SIAH2: variants seen among roughly 807,000 people sequenced by gnomAD.
The protein encoded by SIAH2 is E3 ubiquitin-protein ligase SIAH2.
SIAH2 carries 4 observed loss-of-function variants against 20.4 expected under a neutral mutation model. The observed-to-expected ratio is 0.20, with a 90% CI of 0.10 to 0.45. The LOEUF (loss-of-function observed/expected upper bound fraction) is 0.45. Among genes scored for constraint, SIAH2 ranks in the 20% least tolerant of loss-of-function variants. SIAH2 has a pLI of 0.99. For missense variants in SIAH2, 259 were observed against 440.3 expected (o/e 0.59, Z 3.69); for synonymous variants, 171 against 192.5 (o/e 0.89, Z 0.93).
rs1347218752 is a variant in SIAH2 at position 150,742,990 on chromosome 3, A to T, written c.418-292T>A. Among the ~76,000 whole-genome samples, 2 of 152,188 alleles carry T rather than the reference A, an allele frequency of 1.3e-5. No homozygotes were observed. The highest frequency in any genetic ancestry group is 2.9e-5 in the Non-Finnish European group (2 of 68,036). On this transcript the variant is annotated intron_variant, in intron 1 of 1. Transcript: ENST00000312960. The surrounding 1 kb of genome is among the most constrained non-coding windows in gnomAD (Gnocchi z 4.8). ...AAAGTTCTCTTACTGTGCACATCTC[A>T]AAATTGTTGAGCAAGCCCTATAAAA...
At chr3:150,755,657 A>G (rs187735295) in intron 1 of SIAH2, among the ~76,000 whole-genome samples, 23 of 152,216 alleles carry the variant, frequency 1.5e-4, no homozygotes, top group African/African-American at 4.8e-4. Context: ...AGCTGGGATT[A>G]CAGGCATGCG....
chr3:150,746,728 A>G (rs1307141062), intron 1 of SIAH2, among the ~76,000 whole-genome samples: 1 of 152,186 alleles, frequency 6.6e-6, no homozygotes, highest in Non-Finnish European at 1.5e-5. Context: ...ACTCATTCCA[A>G]TTCTCAAGAA....
rs1466083148 is a variant in SIAH2, at chr3:150,742,027, C to T, written c.*114G>A. On this transcript the variant is annotated 3_prime_UTR_variant, in exon 2 of 2. Coordinates refer to ENST00000312960, the MANE Select transcript of SIAH2 (RefSeq NM_005067.7). This position sits in a 1 kb window ranked among gnomAD's most constrained non-coding sequence, Gnocchi z 4.8. Reference sequence around the variant, plus strand: ...GGGACACTGCTGTTCAAACAAAACACGGGTAATTGTGGGTCCTGACTTGTG... The same window carrying T: ...GGGACACTGCTGTTCAAACAAAACATGGGTAATTGTGGGTCCTGACTTGTG... 8 of 1,032,662 alleles carry T rather than the reference C, an allele frequency of 7.7e-6. No individual in the cohort carries two copies. Among genetic ancestry groups the T allele is most frequent in the African/African-American group, 4.9e-5 (3 of 61,508 alleles). 64.0% of individuals were successfully genotyped at this position (1,032,662 alleles called of 1,614,324 possible). A position where few individuals can be genotyped will look rare whatever the true frequency, so the allele number is the denominator to read the frequency against.
intron 1 of SIAH2, among the ~76,000 whole-genome samples, chr3:150,744,764 G>A (rs1332235365): frequency 6.6e-6 from 1 of 152,112 alleles, no homozygotes; most frequent in African/African-American, 2.4e-5. Flanking sequence ...TTGGCCAATG[G>A]CACCCAGAAA....
intron 1 of SIAH2, among the ~76,000 whole-genome samples, chr3:150,748,689 G>A (rs1289404606): frequency 1.3e-5 from 2 of 152,118 alleles, no homozygotes; most frequent in South Asian, 2.1e-4. Flanking sequence ...AACCACAATC[G>A]ATATTTTGTT....
At chr3:150,757,242 C>T (rs1432999827) in intron 1 of SIAH2, among the ~76,000 whole-genome samples, 2 of 152,164 alleles carry the variant, frequency 1.3e-5, no homozygotes, top group African/African-American at 2.4e-5. Context: ...GTTCTTTTCA[C>T]TGGGACCGCT....
At chr3:150,746,273 G>T (rs1160606689) in intron 1 of SIAH2, among the ~76,000 whole-genome samples, 1 of 152,122 alleles carries the variant, frequency 6.6e-6, no homozygotes, top group Non-Finnish European at 1.5e-5. Flanking sequence ...GCATGCACCT[G>T]TAATCCCAGC....
intron 1 of SIAH2, among the ~76,000 whole-genome samples, chr3:150,754,944 G>GA: frequency 6.6e-6 from 1 of 152,178 alleles, no homozygotes; most frequent in East Asian, 1.9e-4. Flanking sequence ...AAATCTATGG[G>GA]AAAAAATAGG....
intron 1 of SIAH2, among the ~76,000 whole-genome samples, chr3:150,749,566 C>A (rs1001974170): frequency 1.3e-5 from 2 of 152,092 alleles, no homozygotes; most frequent in Non-Finnish European, 2.9e-5. Context: ...CATATTTATC[C>A]TTTATGGGAC....
Position 150,742,285 on chromosome 3 carries a change from C to A in SIAH2, c.831G>T (p.Glu277Asp). The A allele has an allele frequency of 1.9e-6, 3 of 1,614,186 alleles. No homozygotes were observed. The highest frequency in any genetic ancestry group is 2.5e-6 in the Non-Finnish European group (3 of 1,180,036). Residue 277 changes from glutamate (E) to aspartate (D), a missense_variant, in exon 2 of 2, where the codon GAG becomes GAT. Around this residue, in one of 2 missense-constraint regions of SIAH2, gnomAD observed 160 missense variants for 327.6 expected, o/e 0.49. Transcript: ENST00000312960. The surrounding 1 kb of genome is among the most constrained non-coding windows in gnomAD (Gnocchi z 4.8). ...LNGNRRRLTW[E>D]ATPRSIHDGV... ...CGTCATGAATCGAACGGGGCGTGGC[C>A]TCCCAGGTCAATCTCCGCCGGTTCC...
In SIAH2 at chr3:150,762,693, C is replaced by T. The variant is rs1714648957; in HGVS notation, c.157G>A (p.Ala53Thr). The change falls in exon 1 of 2, where the codon GCG (alanine) becomes ACG (threonine). Residue 53 changes from alanine to threonine, a missense_variant. Physicochemically the swap from Ala to Thr is moderately conservative, Grantham distance 58 (BLOSUM62 0). Coordinates refer to ENST00000312960, the MANE Select transcript of SIAH2 (RefSeq NM_005067.7). The surrounding 1 kb of genome is among the most constrained non-coding windows in gnomAD (Gnocchi z 6.6). ...PGSSAVPAAA[A>T]VISGPGGGGG... ...CCGCCGCCGGGGCCCGAGATCACCG[C>T]CGCCGCGGCGGGCACCGCGGACGAG... 1 of 1,316,624 alleles carries T rather than the reference C, an allele frequency of 7.6e-7. No homozygotes were observed. Among genetic ancestry groups the T allele is most frequent in the Non-Finnish European group, 9.7e-7 (1 of 1,030,664 alleles). 81.6% of individuals were successfully genotyped at this position (1,316,624 alleles called of 1,614,324 possible). A position where few individuals can be genotyped will look rare whatever the true frequency, so the allele number is the denominator to read the frequency against.
intron 1 of SIAH2, among the ~76,000 whole-genome samples, chr3:150,748,077 C>T (rs1052039237): frequency 3.3e-5 from 5 of 151,872 alleles, no homozygotes; most frequent in Non-Finnish European, 5.9e-5. Flanking sequence ...TTTCATGTTG[C>T]AGTGACTCAA....
intron 1 of SIAH2, among the ~76,000 whole-genome samples, chr3:150,761,340 G>A (rs913290316): frequency 2.6e-5 from 4 of 152,214 alleles, no homozygotes; most frequent in Non-Finnish European, 5.9e-5. Flanking sequence ...AGGTTTCCAC[G>A]TAATAGCTGC....
Position 150,742,390 on chromosome 3 carries a change from G to A in SIAH2, c.726C>T (p.His242=). 2 of 1,614,180 alleles carry A rather than the reference G, an allele frequency of 1.2e-6. No individual in the cohort carries two copies. Among genetic ancestry groups the A allele is most frequent in the East Asian group, 2.2e-5 (1 of 44,884 alleles). ...GCAGGACGATGGCAAAAAACTGCTG[G>A]TGGCCTTCGTACTTCTCTTGTTTCT... The part of the protein sequence containing the change: ...VLEKQEKYEG[H]QQFFAIVLLI... Residue 242 remains histidine, a synonymous_variant, in exon 2 of 2, where the codon CAC becomes CAT. Coordinates refer to ENST00000312960, the MANE Select transcript of SIAH2 (RefSeq NM_005067.7). This position sits in a 1 kb window ranked among gnomAD's most constrained non-coding sequence, Gnocchi z 4.8.
chr3:150,745,464 C>G (rs912035002), intron 1 of SIAH2, among the ~76,000 whole-genome samples: 13 of 151,816 alleles, frequency 8.6e-5, no homozygotes, highest in African/African-American at 3.1e-4. Flanking sequence ...AAAGCCAAGT[C>G]TCACTGGCCC....
At chr3:150,756,280 C>T (rs1040589269) in intron 1 of SIAH2, among the ~76,000 whole-genome samples, 6 of 152,304 alleles carry the variant, frequency 3.9e-5, no homozygotes, top group Admixed American at 2.6e-4. Flanking sequence ...CTGAAAAACT[C>T]GCCAGCAATA....
At chr3:150,745,243 AC>A (rs1714184366) in intron 1 of SIAH2, among the ~76,000 whole-genome samples, 2 of 29,482 alleles carry the variant, frequency 6.8e-5, no homozygotes, top group South Asian at 1.1e-3. Context: ...AACCCCCTAC[AC>A]ACACACACAC....
chr3:150,745,075 ACT>A (rs1714178290), intron 1 of SIAH2, among the ~76,000 whole-genome samples: 1 of 152,134 alleles, frequency 6.6e-6, no homozygotes, highest in Non-Finnish European at 1.5e-5. Flanking sequence ...TCCTCTATTA[ACT>A]TAAATAAATA....
At chr3:150,756,975 A>G (rs62282677) in intron 1 of SIAH2, among the ~76,000 whole-genome samples, 21 of 152,268 alleles carry the variant, frequency 1.4e-4, no homozygotes, top group Non-Finnish European at 2.5e-4. Flanking sequence ...ATTTTTGGCT[A>G]ATCGGCTTGT....
Sources: gnomAD v4.1 joint callset for allele counts (sites outside exome capture counted in the v4.1 genomes callset) on GRCh38, gnomAD v4.1.1 for gene constraint, gnomAD v4.1.1 regional missense constraint, Gnocchi (gnomAD v3.1) non-coding constraint, MANE v1.5 for transcripts, NCBI Gene and HGNC (gene_info 2026-07-23, HGNC 2026-07-21) for gene names.